Variants in ACSS2 observed in about 807,000 individuals in gnomAD.
ACSS2 encodes acyl-CoA synthetase short chain family member 2.
Under a neutral mutation model 90.6 loss-of-function variants are expected in ACSS2, and 58 were observed. The ratio of observed to expected loss-of-function variants is 0.64; its 90% CI spans 0.52 to 0.80. ACSS2 has a LOEUF of 0.80. ACSS2 is among the 30% of genes least tolerant of loss of function. ACSS2 has a pLI of 0.00. For missense variants in ACSS2, 759 were observed against 912.0 expected, an observed-to-expected ratio of 0.83 and a Z score of 2.16; for synonymous variants, 300 against 330.9, an observed-to-expected ratio of 0.91 and a Z score of 1.01.
At chr20:34,876,878 C>G (rs1336643307) in intron 1 of ACSS2, 55 bp downstream of exon 1, 81 of 1,186,722 alleles carry the variant, frequency 6.8e-5, no homozygotes, top group Non-Finnish European at 8.5e-5. Context: ...AGTGGGGGCT[C>G]CCTGGGGGAG....
chr20:34,876,430 T>C (rs1255926058), upstream of ACSS2: 4 of 436,662 alleles, frequency 9.2e-6, no homozygotes, highest in Non-Finnish European at 1.5e-5. Context: ...CCCTCGACTT[T>C]TCCTTATAGT....
At chr20:34,885,651 G>C (rs976363030) in intron 2 of ACSS2, among the ~76,000 whole-genome samples, 2 of 152,202 alleles carry the variant, frequency 1.3e-5, no homozygotes, top group Non-Finnish European at 2.9e-5. Context: ...TCCTATATTA[G>C]AGATACCTGA....
chr20:34,882,941 A>T lies in ACSS2; in HGVS notation c.326A>T (p.Asp109Val), dbSNP rs2080101781. 6.2e-7 allele frequency: 1 copy of T among 1,611,486 alleles called. No individual in the cohort carries two copies. Among genetic ancestry groups the T allele is most frequent in the African/African-American group, 1.3e-5 (1 of 74,762 alleles). Residue 109 changes from aspartate (D) to valine (V), a missense_variant, in exon 2 of 18, where the codon GAT becomes GTT. Asp to Val is a radical substitution (Grantham distance 152, BLOSUM62 -3). Coordinates refer to ENST00000360596, the MANE Select transcript of ACSS2 (RefSeq NM_018677.4). ...ATTNICYNVL[D>V]RNVHEKKLGD... ...ACCAACATCTGCTACAATGTACTGG[A>T]TCGAAATGTCCATGAGAAAAAGCTT... is the stretch of plus-strand genomic sequence containing the variant.
chr20:34,915,127 G>A (rs1336049772), intron 7 of ACSS2: 1 of 1,389,140 alleles, frequency 7.2e-7, no homozygotes, highest in Non-Finnish European at 1.0e-6. Flanking sequence ...TGAGAAGGGA[G>A]TTTGGGGTTT....
intron 2 of ACSS2, among the ~76,000 whole-genome samples, chr20:34,908,097 C>A (rs1254432797): frequency 1.3e-5 from 2 of 152,092 alleles, no homozygotes; most frequent in Non-Finnish European, 2.9e-5. Flanking sequence ...GTGCTCTGTG[C>A]AGTAAGGAAG....
At chr20:34,884,196 G>A (rs1017068783) in intron 2 of ACSS2, among the ~76,000 whole-genome samples, 5 of 152,200 alleles carry the variant, frequency 3.3e-5, no homozygotes, top group African/African-American at 1.2e-4. Context: ...CTGAACTCAA[G>A]CGATCCACCT....
chr20:34,920,242 T>G (rs755624468), intron 8 of ACSS2, among the ~76,000 whole-genome samples: 2 of 152,208 alleles, frequency 1.3e-5, no homozygotes, highest in Admixed American at 6.5e-5. Context: ...ACAGAGGGAC[T>G]ATTATGAGTG....
intron 4 of ACSS2, 115 bp from the exon 5 acceptor site, chr20:34,913,637 AG>A: frequency 8.0e-7 from 1 of 1,255,872 alleles, no homozygotes; most frequent in Non-Finnish European, 1.2e-6. Flanking sequence ...TTAGTTATTC[AG>A]TTTCTTCTAG....
chr20:34,909,073 C>T, intron 2 of ACSS2: 1 of 353,278 alleles, frequency 2.8e-6, no homozygotes, highest in Non-Finnish European at 5.5e-6. Flanking sequence ...AAGCTTGGCA[C>T]CGTGGCTCAC....
chr20:34,923,801 T>TC (rs1294706737), intron 14 of ACSS2, among the ~76,000 whole-genome samples: 7 of 107,116 alleles, frequency 6.5e-5, no homozygotes, highest in Admixed American at 1.0e-4. Flanking sequence ...GAGGGATCTG[T>TC]CCCCCCCGCC....
At chr20:34,893,040 A>G (rs936990852) in intron 2 of ACSS2, among the ~76,000 whole-genome samples, 2 of 152,184 alleles carry the variant, frequency 1.3e-5, no homozygotes, top group Non-Finnish European at 1.5e-5. Flanking sequence ...TCTGACTTGA[A>G]CAGGGTACTA....
intron 2 of ACSS2, chr20:34,908,864 GAAAAAAA>G: frequency 3.8e-6 from 1 of 260,600 alleles, no homozygotes; most frequent in Non-Finnish European, 7.0e-6. Context: ...TCCATCTTGG[GAAAAAAA>G]AAAAAAAAAA....
intron 1 of ACSS2, among the ~76,000 whole-genome samples, chr20:34,878,862 T>G (rs1408986335): frequency 6.6e-6 from 1 of 152,124 alleles, no homozygotes; most frequent in Non-Finnish European, 1.5e-5. Context: ...TGGTTCCCTG[T>G]TTCTGGCAGT....
intron 2 of ACSS2, among the ~76,000 whole-genome samples, chr20:34,885,357 A>C (rs1414859061): frequency 6.6e-6 from 1 of 152,228 alleles, no homozygotes; most frequent in Non-Finnish European, 1.5e-5. Context: ...CAATCACTGG[A>C]GAGTTTTCCA....
At chr20:34,880,146 T>C (rs920317014) in intron 1 of ACSS2, among the ~76,000 whole-genome samples, 10 of 152,258 alleles carry the variant, frequency 6.6e-5, no homozygotes, top group African/African-American at 2.4e-4. Context: ...AGTTTCACTA[T>C]TATAGTGTTG....
intron 2 of ACSS2, among the ~76,000 whole-genome samples, chr20:34,906,693 C>T (rs758255700): frequency 2.6e-5 from 4 of 151,954 alleles, no homozygotes; most frequent in African/African-American, 4.8e-5. Context: ...AATAAGATCT[C>T]TGCTGTCAGC....
Position 34,919,475 on chromosome 20 carries a change from T to A in ACSS2, c.875T>A (p.Leu292His). The change falls in exon 8 of 18, where the codon CTC becomes CAC. Residue 292 changes from leucine (L) to histidine (H), a missense_variant. Coordinates refer to ENST00000360596, the MANE Select transcript of ACSS2 (RefSeq NM_018677.4). ...GGGATTGACTTGTGGTGGCATGAGCTCATGCAAGAGGCAGGGGATGAGTGT... is the reference window on the plus strand; with the variant it reads ...GGGATTGACTTGTGGTGGCATGAGCACATGCAAGAGGCAGGGGATGAGTGT... ...NQGIDLWWHE[L>H]MQEAGDECEP... is the part of the protein sequence containing the mutation. 2 of 1,613,296 alleles carry A rather than the reference T, an allele frequency of 1.2e-6. No homozygotes were observed. Among genetic ancestry groups the A allele is most frequent in the Non-Finnish European group, 1.7e-6 (2 of 1,179,978 alleles).
intron 7 of ACSS2, among the ~76,000 whole-genome samples, chr20:34,917,968 G>C (rs2081111086): frequency 6.6e-6 from 1 of 152,050 alleles, no homozygotes; most frequent in African/African-American, 2.4e-5. Flanking sequence ...GGCCAGGCTG[G>C]TCTTGAACTC....
In ACSS2 at chr20:34,876,682, GGGAGCCGGGGCCAGGAGGAAGCT is replaced by G. The variant is rs2079918310; in HGVS notation, c.46_68del (p.Gly16ArgfsTer62). 8.5e-6 allele frequency: 12 copies of G among 1,414,218 alleles called. No individual in the cohort carries two copies. The highest frequency in any genetic ancestry group is 1.1e-5 in the Non-Finnish European group (12 of 1,076,552). 87.6% of individuals were successfully genotyped at this position (1,414,218 alleles called of 1,614,324 possible). On this transcript the variant is annotated frameshift_variant, in exon 1 of 18. Transcript: ENST00000360596. LOFTEE classifies it high-confidence loss of function. The stretch of plus-strand genomic sequence containing the variant: ...TGAGGAGCGGGTCCGGAGCGGCAGC[GGGAGCCGGGGCCAGGAGGAAGCT>G]GGAGCCGGAGGCCGGGCGCGGAGTT...
Sources: gnomAD v4.1 joint callset for allele counts (sites outside exome capture counted in the v4.1 genomes callset) on GRCh38, gnomAD v4.1.1 for gene constraint, MANE v1.5 for transcripts, NCBI Gene and HGNC (gene_info 2026-07-23, HGNC 2026-07-21) for gene names.